WWP1: variants seen among roughly 807,000 people sequenced by gnomAD.
WWP1 encodes the protein WW domain containing E3 ubiquitin protein ligase 1.
In WWP1, 49 loss-of-function variants were observed where a neutral mutation model predicts 130.6. That is an observed-to-expected ratio of 0.38 (90% CI 0.30 to 0.48). The LOEUF (loss-of-function observed/expected upper bound fraction) is 0.48, where lower values mean the gene tolerates loss of function less well. Ranked by LOEUF, WWP1 falls within the 20% of genes least tolerant of loss-of-function variation. The pLI, the probability that WWP1 is intolerant of heterozygous loss-of-function variation, is 0.99. For missense variants in WWP1, 809 were observed against 1,100.6 expected (o/e 0.74, Z 3.75); for synonymous variants, 332 against 367.8 (o/e 0.90, Z 1.11).
chr8:86,397,702 A>G (rs1460987457), intron 5 of WWP1, among the ~76,000 whole-genome samples: 1 of 152,218 alleles, frequency 6.6e-6, no homozygotes, highest in Admixed American at 6.5e-5. Flanking sequence ...AAGTTGAAGC[A>G]AAATGACCTT....
chr8:86,411,920 C>A (rs1040354204), intron 9 of WWP1, 46 bp downstream of exon 9: 2 of 1,492,358 alleles, frequency 1.3e-6, no homozygotes, highest in Non-Finnish European at 9.1e-7. Context: ...AGTAGCAACT[C>A]TGTTAACATA....
chr8:86,365,257 C>T (rs1204848221), intron 1 of WWP1, among the ~76,000 whole-genome samples: 2 of 152,082 alleles, frequency 1.3e-5, no homozygotes, highest in African/African-American at 4.8e-5. Flanking sequence ...ATACATTTTT[C>T]TCATAGAAAT....
At chr8:86,354,018 C>T (rs1374182011) in intron 1 of WWP1, among the ~76,000 whole-genome samples, 1 of 152,132 alleles carries the variant, frequency 6.6e-6, no homozygotes, top group Non-Finnish European at 1.5e-5. Context: ...TTTCCATTAA[C>T]GTATTGGCTA....
chr8:86,461,356 AT>A, intron 23 of WWP1, 36 bp downstream of exon 23: 3 of 1,558,206 alleles, frequency 1.9e-6, no homozygotes, highest in Non-Finnish European at 2.7e-6. Context: ...TCTGTACGTA[AT>A]TTTGTGATAA....
chr8:86,466,405 C>T (rs1812136049), intron 24 of WWP1, among the ~76,000 whole-genome samples: 2 of 151,770 alleles, frequency 1.3e-5, no homozygotes, highest in Admixed American at 6.6e-5. Flanking sequence ...ACTAGCTTAT[C>T]AGTTATATAA....
chr8:86,461,765 T>G lies in WWP1; in HGVS notation c.2597-9T>G, dbSNP rs1811779142. The G allele has an allele frequency of 6.2e-7, 1 of 1,611,416 alleles. No individual in the cohort carries two copies. The highest frequency in any genetic ancestry group is 2.2e-5 in the East Asian group (1 of 44,854). ...ACCAGATAAACTTTGTCTTATTTTC[T>G]TGGTGTAGGAAGTAATGGGCCTCAA... On this transcript the variant is annotated splice_polypyrimidine_tract_variant and intron_variant, in intron 23 of 24. Coordinates refer to ENST00000517970, the MANE Select transcript of WWP1 (RefSeq NM_007013.4).
chr8:86,361,828 CT>C (rs200860048), intron 1 of WWP1, among the ~76,000 whole-genome samples: 2,479 of 151,956 alleles, frequency 0.016, 30 homozygotes, highest in Non-Finnish European at 0.025. Flanking sequence ...CTGCACACCC[CT>C]TTCTGTCAAT....
intron 9 of WWP1, among the ~76,000 whole-genome samples, chr8:86,419,071 C>T (rs1809049434): frequency 6.6e-6 from 1 of 152,078 alleles, no homozygotes; most frequent in Non-Finnish European, 1.5e-5. Flanking sequence ...TGAGGGAAAC[C>T]TCTTAATTTG....
At position 86,411,940 on chromosome 8, in the gene WWP1, A is replaced by T. The variant is rs114338537; in HGVS notation, c.1061+66A>T. The T allele has an allele frequency of 6.0e-4, 822 of 1,372,014 alleles. 3 individuals are homozygous for T. The African/African-American group carries it at 0.011, about 18-fold the overall frequency. The allele number at this position is 1,372,014 out of a possible 1,614,324, so 85.0% of individuals were successfully genotyped here. On this transcript the variant is annotated intron_variant, in intron 9 of 24. Transcript: ENST00000517970. ...CAACTCTGTTAACATACGATTATTG[A>T]ATGTGTGCATAAAATGTTTTCATTG... is the stretch of plus-strand genomic sequence containing the variant.
At chr8:86,461,141 T>C (rs892842336) in intron 22 of WWP1, 83 bp from the exon 23 acceptor site, 6 of 1,260,086 alleles carry the variant, frequency 4.8e-6, no homozygotes, top group African/African-American at 1.5e-5. Context: ...TTCAGTGTTA[T>C]TTAATTTCTT....
chr8:86,356,449 A>T lies in WWP1; in HGVS notation c.-114-12490A>T, dbSNP rs143134054. ...CACGCATATATATATTTATATATAT[A>T]TTTTTTTTTACTGTAAAATCTTTGG... On this transcript the variant is annotated intron_variant, in intron 1 of 24. Transcript: ENST00000517970. Among the ~76,000 whole-genome samples, 508 of 149,704 alleles carry T rather than the reference A, an allele frequency of 3.4e-3. 5 individuals carry two copies. The highest frequency in any genetic ancestry group is 0.01 in the African/African-American group (412 of 41,086).
intron 20 of WWP1, among the ~76,000 whole-genome samples, chr8:86,451,000 C>T (rs544345996): frequency 6.6e-6 from 1 of 151,336 alleles, no homozygotes; most frequent in Non-Finnish European, 1.5e-5. Context: ...TCACTTGAGC[C>T]CAGGAGTTCA....
chr8:86,456,763 G>A (rs1221251724), intron 21 of WWP1, among the ~76,000 whole-genome samples: 1 of 151,988 alleles, frequency 6.6e-6, no homozygotes, highest in Admixed American at 6.6e-5. Context: ...ATACTATTCA[G>A]TGATAGAAAA....
Position 86,431,816 on chromosome 8 carries a change from T to A in WWP1, c.1601+73T>A. ...ATGAGATTTAGTCTCTAATTTATCC[T>A]CAAGTTTAGCAAAACATTTTACTTT... On this transcript the variant is annotated intron_variant, in intron 14 of 24. Coordinates refer to ENST00000517970, the MANE Select transcript of WWP1 (RefSeq NM_007013.4). 1.1e-5 allele frequency: 17 copies of A among 1,579,210 alleles called. No homozygotes were observed. The South Asian group carries it at 2.0e-4, about 18-fold the overall frequency.
At chr8:86,464,100 A>C (rs1471795780) in intron 24 of WWP1, among the ~76,000 whole-genome samples, 1 of 152,102 alleles carries the variant, frequency 6.6e-6, no homozygotes, top group Admixed American at 6.6e-5. Flanking sequence ...CAAGAAGAGG[A>C]AACAGTAGAT....
chr8:86,362,176 A>G (rs1252500707), intron 1 of WWP1, among the ~76,000 whole-genome samples: 2 of 122,322 alleles, frequency 1.6e-5, no homozygotes, highest in Non-Finnish European at 3.4e-5. Flanking sequence ...ATATATATAT[A>G]TATATATATA....
intron 5 of WWP1, among the ~76,000 whole-genome samples, chr8:86,389,191 G>A (rs1429835833): frequency 6.6e-6 from 1 of 151,444 alleles, no homozygotes; most frequent in Non-Finnish European, 1.5e-5. Context: ...ATCATTCTTG[G>A]GTGTTTCTCG....
chr8:86,445,832 T>A (rs760619312), intron 18 of WWP1, among the ~76,000 whole-genome samples: 6 of 152,188 alleles, frequency 3.9e-5, no homozygotes, highest in Non-Finnish European at 7.3e-5. Flanking sequence ...TTTTAATGTT[T>A]TAACAAAAGC....
rs111715023 is a variant in WWP1 at position 86,431,760 on chromosome 8, A to G, written c.1601+17A>G. ...GTCATCTGTGTGAGTGAAAACCTGA[A>G]GTTCTCCTTTAAATATTGCTTAGTG... On this transcript the variant is annotated intron_variant, in intron 14 of 24. Transcript: ENST00000517970. 2.5e-4 allele frequency: 403 copies of G among 1,612,978 alleles called. No individual in the cohort carries two copies. The Middle Eastern group carries it at 3.3e-3, about 13-fold the overall frequency.
Sources: allele counts gnomAD v4.1 joint callset (sites outside exome capture counted in the v4.1 genomes callset), GRCh38; gene constraint gnomAD v4.1.1; transcripts MANE v1.5; gene names NCBI Gene and HGNC (gene_info 2026-07-23, HGNC 2026-07-21).